Variants in CPNE4 observed in about 807,000 individuals in gnomAD.
CPNE4 encodes copine 4.
In CPNE4, 25 loss-of-function variants were observed where a neutral mutation model predicts 67.9. The ratio of observed to expected loss-of-function variants is 0.37; its 90% CI spans 0.27 to 0.51. The LOEUF is 0.51. Among genes scored for constraint, CPNE4 ranks in the 20% least tolerant of loss-of-function variants. CPNE4 has a pLI of 0.93. For missense variants in CPNE4, 464 were observed against 690.8 expected, an observed-to-expected ratio of 0.67 and a Z score of 3.68; for synonymous variants, 242 against 244.9, an observed-to-expected ratio of 0.99 and a Z score of 0.11.
chr3:131,807,835 G>C (rs978324452), intron 2 of CPNE4, among the ~76,000 whole-genome samples: 3 of 152,104 alleles, frequency 2.0e-5, no homozygotes, highest in Non-Finnish European at 4.4e-5. Context: ...TATTCTCCAT[G>C]ATAGCAAGAA....
intron 10 of CPNE4, among the ~76,000 whole-genome samples, chr3:131,566,058 G>A (rs1476365085): frequency 6.6e-6 from 1 of 151,850 alleles, no homozygotes; most frequent in Non-Finnish European, 1.5e-5. Flanking sequence ...AGTCTATATG[G>A]TTCCTTTCTA....
At chr3:131,740,217 ACTC>A (rs2082325894) in intron 2 of CPNE4, among the ~76,000 whole-genome samples, 2 of 152,192 alleles carry the variant, frequency 1.3e-5, no homozygotes, top group South Asian at 2.1e-4. Context: ...TCAGGCAGGA[ACTC>A]CTCATCTATG....
chr3:131,762,508 T>C (rs1284010140), intron 2 of CPNE4, among the ~76,000 whole-genome samples: 2 of 152,020 alleles, frequency 1.3e-5, no homozygotes, highest in Non-Finnish European at 2.9e-5. Context: ...CAATATCTAT[T>C]TATGGAGTGC....
intron 2 of CPNE4, among the ~76,000 whole-genome samples, chr3:131,756,100 A>G (rs1036172247): frequency 1.3e-5 from 2 of 152,188 alleles, no homozygotes; most frequent in African/African-American, 4.8e-5. Context: ...GCGAGTAAAA[A>G]ATGACAAAAA....
At chr3:131,620,089 A>G (rs927793081) in intron 7 of CPNE4, among the ~76,000 whole-genome samples, 4 of 152,198 alleles carry the variant, frequency 2.6e-5, no homozygotes, top group Non-Finnish European at 5.9e-5. Flanking sequence ...GGGTGTGAGC[A>G]TCCCAGGAGA....
chr3:131,857,708 T>G (rs1216876390), intron 2 of CPNE4, among the ~76,000 whole-genome samples: 1 of 152,090 alleles, frequency 6.6e-6, no homozygotes, highest in Admixed American at 6.6e-5. Context: ...AAAGAAATAT[T>G]CTGTGGAACA....
intron 1 of CPNE4, among the ~76,000 whole-genome samples, chr3:131,986,550 G>A (rs1030292434): frequency 9.9e-5 from 15 of 152,252 alleles, no homozygotes; most frequent in African/African-American, 3.1e-4. Context: ...ATTCTGAGAG[G>A]TAACGACTGT....
chr3:131,950,261 C>A (rs1318855418), intron 1 of CPNE4, among the ~76,000 whole-genome samples: 1 of 152,158 alleles, frequency 6.6e-6, no homozygotes, highest in East Asian at 1.9e-4. Flanking sequence ...AACTCACAGC[C>A]ACTTAACTGT....
chr3:131,655,959 G>C (rs2079947533), intron 7 of CPNE4, among the ~76,000 whole-genome samples: 1 of 151,816 alleles, frequency 6.6e-6, no homozygotes, highest in African/African-American at 2.4e-5. Context: ...AAATCCACAA[G>C]GCTACTTTCT....
intron 3 of CPNE4, among the ~76,000 whole-genome samples, chr3:131,717,902 CTT>C (rs879884515): frequency 0.077 from 9,891 of 129,202 alleles, 849 homozygotes; most frequent in Middle Eastern, 0.12. Context: ...TTCTTTCTTT[CTT>C]TCTTTCTTTC....
At chr3:131,774,789 A>C (rs543291220) in intron 2 of CPNE4, among the ~76,000 whole-genome samples, 1 of 152,250 alleles carries the variant, frequency 6.6e-6, no homozygotes, top group South Asian at 2.1e-4. Context: ...GAAGTTCTAA[A>C]CTAGATATTG....
chr3:131,694,500 G>T (rs931163045), intron 5 of CPNE4, among the ~76,000 whole-genome samples: 1 of 152,070 alleles, frequency 6.6e-6, no homozygotes, highest in Non-Finnish European at 1.5e-5. Flanking sequence ...GCCCTAACAC[G>T]ATGTGGAGTC....
chr3:131,948,625 T>C (rs933917272), intron 1 of CPNE4, among the ~76,000 whole-genome samples: 2 of 152,230 alleles, frequency 1.3e-5, no homozygotes, highest in Non-Finnish European at 2.9e-5. Context: ...AGTGTGTTTG[T>C]CTTTTCCTAA....
At chr3:131,997,175 A>T (rs990483176) in intron 1 of CPNE4, among the ~76,000 whole-genome samples, 8 of 152,254 alleles carry the variant, frequency 5.3e-5, no homozygotes, top group Admixed American at 2.6e-4. Context: ...ACTTCCCAGG[A>T]TATTAAAAGT....
chr3:131,764,883 A>G (rs914137511), intron 2 of CPNE4, among the ~76,000 whole-genome samples: 5 of 152,076 alleles, frequency 3.3e-5, no homozygotes, highest in South Asian at 4.2e-4. Flanking sequence ...GAGCTCTGAG[A>G]TTGTTTAACA....
At chr3:131,593,343 A>G (rs1024711428) in intron 7 of CPNE4, among the ~76,000 whole-genome samples, 1 of 152,102 alleles carries the variant, frequency 6.6e-6, no homozygotes, top group Non-Finnish European at 1.5e-5. Flanking sequence ...TTTCATCAGT[A>G]TTTTGTAGTT....
chr3:131,704,653 T>C (rs959770723), intron 3 of CPNE4, among the ~76,000 whole-genome samples: 2 of 152,204 alleles, frequency 1.3e-5, no homozygotes, highest in Non-Finnish European at 2.9e-5. Context: ...CTGTGACAGA[T>C]GATATGTGGA....
intron 5 of CPNE4, among the ~76,000 whole-genome samples, chr3:131,686,568 T>A (rs1056475031): frequency 2.6e-5 from 4 of 152,230 alleles, no homozygotes; most frequent in Non-Finnish European, 5.9e-5. Flanking sequence ...ATTTAGAGGA[T>A]GAATTTCTTC....
At chr3:131,820,913 A>T (rs1161826563) in intron 2 of CPNE4, among the ~76,000 whole-genome samples, 2 of 152,184 alleles carry the variant, frequency 1.3e-5, no homozygotes, top group Non-Finnish European at 2.9e-5. Context: ...CACCATTCCT[A>T]TGCCTGTCCA....
Sources: gnomAD v4.1 joint callset for allele counts (sites outside exome capture counted in the v4.1 genomes callset) on GRCh38, gnomAD v4.1.1 for gene constraint, MANE v1.5 for transcripts, NCBI Gene and HGNC (gene_info 2026-07-23, HGNC 2026-07-21) for gene names.